WDR48: variants seen among roughly 807,000 people sequenced by gnomAD.
WDR48 encodes the protein WD repeat domain 48, also known as WD repeat-containing protein 48.
A neutral mutation model predicts 94.0 loss-of-function variants in WDR48; 22 were observed. The ratio of observed to expected loss-of-function variants is 0.23; its 90% CI spans 0.17 to 0.33. The LOEUF (loss-of-function observed/expected upper bound fraction) is 0.33, where lower values mean the gene tolerates loss of function less well. WDR48 is among the 10% of genes least tolerant of loss of function. The probability of loss-of-function intolerance (pLI) is 1.00; values close to 1 mark genes in which losing one functional copy is unlikely to be tolerated. For missense variants in WDR48, 541 were observed against 813.8 expected, an observed-to-expected ratio of 0.66 and a Z score of 4.08; for synonymous variants, 278 against 280.5, an observed-to-expected ratio of 0.99 and a Z score of 0.09.
intron 3 of WDR48, 98 bp from the exon 4 acceptor site, chr3:39,066,450 A>C: frequency 9.9e-7 from 1 of 1,006,096 alleles, no homozygotes. Context: ...AAGAGAGAGA[A>C]TATGTTAGTT....
At chr3:39,089,069 C>T (rs1315524725) in intron 15 of WDR48, among the ~76,000 whole-genome samples, 162 bp from the exon 16 acceptor site, 1 of 152,186 alleles carries the variant, frequency 6.6e-6, no homozygotes, top group Non-Finnish European at 1.5e-5. Flanking sequence ...TCCCTTTTAG[C>T]TGAGTGAGTC....
intron 1 of WDR48, 97 bp downstream of exon 1, chr3:39,052,170 C>A (rs1022569360): frequency 2.0e-5 from 29 of 1,478,088 alleles, no homozygotes; most frequent in Non-Finnish European, 2.5e-5. Flanking sequence ...GCTGGGGTAG[C>A]GGCATGGGGC....
At chr3:39,059,394 G>A (rs1424237515) in intron 1 of WDR48, among the ~76,000 whole-genome samples, 1 of 152,194 alleles carries the variant, frequency 6.6e-6, no homozygotes, top group African/African-American at 2.4e-5. Flanking sequence ...GAAGCTGGGG[G>A]CAGTCAGTTT....
chr3:39,094,208 G>A, intron 18 of WDR48, 142 bp downstream of exon 18: 1 of 1,454,738 alleles, frequency 6.9e-7, no homozygotes, highest in Non-Finnish European at 9.0e-7. Context: ...CCACCCTAAA[G>A]CTCCTCTTTA....
intron 18 of WDR48, chr3:39,094,296 A>G: frequency 7.0e-7 from 1 of 1,425,234 alleles, no homozygotes; most frequent in African/African-American, 1.4e-5. Context: ...GACAAGAAAA[A>G]AGACACATGG....
chr3:39,063,628 C>T (rs550057462), intron 2 of WDR48, among the ~76,000 whole-genome samples: 2 of 152,258 alleles, frequency 1.3e-5, no homozygotes, highest in East Asian at 3.9e-4. Context: ...TCCTCACAAA[C>T]CCCACACGGC....
At chr3:39,077,299 G>GTGGCCC (rs1321374141) in intron 9 of WDR48, 86 bp downstream of exon 9, 156 of 1,467,506 alleles carry the variant, frequency 1.1e-4, no homozygotes, top group South Asian at 5.7e-4. Context: ...AATGCTCAGT[G>GTGGCCC]TGGCCCTAAC....
At chr3:39,070,965 G>A (rs541175820) in intron 7 of WDR48, among the ~76,000 whole-genome samples, 1 of 152,260 alleles carries the variant, frequency 6.6e-6, no homozygotes, top group East Asian at 1.9e-4. Context: ...AGTTTACTGA[G>A]AATGATGATT....
In WDR48 at chr3:39,066,821, C is replaced by T; in HGVS notation, c.427C>T (p.Leu143Phe). ...ASAGLDRQIF[L>F]WDVNTLTALT... is the part of the protein sequence containing the mutation. ...AGCTGGGTTGGACAGACAAATATTC[C>T]TTTGGGATGTGAATACTCTAACAGC... is the stretch of plus-strand genomic sequence containing the variant. Residue 143 changes from leucine (L) to phenylalanine (F), a missense_variant, in exon 5 of 19, where the codon CTT (leucine) becomes TTT (phenylalanine). This residue lies in a region of WDR48 where 104 missense variants were observed against 189.7 expected (regional missense o/e 0.55). Coordinates refer to ENST00000302313, the MANE Select transcript of WDR48 (RefSeq NM_020839.4). The T allele has an allele frequency of 6.2e-7, 1 of 1,613,946 alleles. No homozygotes were observed. The highest frequency in any genetic ancestry group is 8.5e-7 in the Non-Finnish European group (1 of 1,179,920).
intron 8 of WDR48, among the ~76,000 whole-genome samples, chr3:39,075,380 T>C (rs2034165743): frequency 6.6e-6 from 1 of 152,074 alleles, no homozygotes; most frequent in East Asian, 1.9e-4. Flanking sequence ...GTTAAGGTTA[T>C]CTGTGAGCAG....
chr3:39,078,782 G>A (rs2034368640), intron 10 of WDR48, among the ~76,000 whole-genome samples: 1 of 145,254 alleles, frequency 6.9e-6, no homozygotes, highest in Non-Finnish European at 1.5e-5. Context: ...TGTAATCCCA[G>A]CACTTTGGGA....
At chr3:39,061,886 A>G (rs1307491385) in intron 1 of WDR48, among the ~76,000 whole-genome samples, 1 of 143,366 alleles carries the variant, frequency 7.0e-6, no homozygotes, top group East Asian at 2.0e-4. Flanking sequence ...CTGCTGCAGA[A>G]ATGTCTTCTT....
intron 1 of WDR48, 23 bp from the exon 2 acceptor site, chr3:39,063,025 AAG>A: frequency 4.3e-6 from 7 of 1,613,196 alleles, no homozygotes; most frequent in Non-Finnish European, 5.9e-6. Flanking sequence ...ACTTTATAAA[AAG>A]CATATGTTGA....
In WDR48 at chr3:39,066,556, G is replaced by T. The variant is rs762161599; in HGVS notation, c.277G>T (p.Ala93Ser). The change falls in exon 4 of 19, where the codon GCT becomes TCT. Residue 93 changes from alanine (A) to serine (S), a missense_variant. Ala to Ser is a moderately conservative substitution (Grantham distance 99, BLOSUM62 1). Around this residue, in one of 5 missense-constraint regions of WDR48, gnomAD observed 90 missense variants for 122.3 expected, o/e 0.74. Transcript: ENST00000302313. The part of the protein sequence containing the change: ...LCCNGKTLIS[A>S]SSDTTVKVWN... The stretch of plus-strand genomic sequence containing the variant: ...TTCTTTGCTTCTTCTAGTAATATCT[G>T]CTTCTTCTGACACGACAGTAAAAGT... 1.2e-6 allele frequency: 2 copies of T among 1,613,502 alleles called. No homozygotes were observed. The highest frequency in any genetic ancestry group is 1.7e-6 in the Non-Finnish European group (2 of 1,179,800).
chr3:39,067,552 C>A (rs1009506194), intron 5 of WDR48, among the ~76,000 whole-genome samples: 1 of 152,300 alleles, frequency 6.6e-6, no homozygotes, highest in South Asian at 2.1e-4. Flanking sequence ...CTTGGCCCAA[C>A]CTAGTAGAGT....
intron 1 of WDR48, among the ~76,000 whole-genome samples, chr3:39,054,459 C>T (rs993865943): frequency 6.6e-6 from 1 of 152,136 alleles, no homozygotes; most frequent in Admixed American, 6.5e-5. Flanking sequence ...GCAAAATTGC[C>T]GCTGGTTGAG....
At chr3:39,067,173 ACTT>A (rs543898977) in intron 5 of WDR48, among the ~76,000 whole-genome samples, 270 of 152,288 alleles carry the variant, frequency 1.8e-3, no homozygotes, top group Middle Eastern at 3.4e-3. Flanking sequence ...CTGTCTTACT[ACTT>A]CGTATCTCCC....
intron 1 of WDR48, among the ~76,000 whole-genome samples, chr3:39,061,967 C>T (rs2033296742): frequency 6.6e-6 from 1 of 151,892 alleles, no homozygotes; most frequent in Non-Finnish European, 1.5e-5. Flanking sequence ...TGTTGTTGTA[C>T]ATTTGTTTAA....
chr3:39,061,457 C>T (rs1334803966), intron 1 of WDR48, among the ~76,000 whole-genome samples: 1 of 152,118 alleles, frequency 6.6e-6, no homozygotes, highest in Non-Finnish European at 1.5e-5. Context: ...GCATAGTATT[C>T]CATGGTGTAT....
Sources: gnomAD v4.1 joint callset for allele counts (sites outside exome capture counted in the v4.1 genomes callset) on GRCh38, gnomAD v4.1.1 for gene constraint, gnomAD v4.1.1 regional missense constraint, MANE v1.5 for transcripts, NCBI Gene and HGNC (gene_info 2026-07-23, HGNC 2026-07-21) for gene names.